The following ZNF544 variants were observed in gnomAD, a reference collection of about 807,000 sequenced individuals.
ZNF544 encodes the protein zinc finger protein 544, also known as zinc finger protein AF020591.
Under a neutral mutation model 13.5 loss-of-function variants are expected in ZNF544, and 10 were observed. The ratio of observed to expected loss-of-function variants is 0.74; its 90% CI spans 0.46 to 1.25. The LOEUF is 1.25. Among genes scored for constraint, ZNF544 ranks in the 50% most tolerant of loss-of-function variants. The pLI is 0.00. For missense variants in ZNF544, 896 were observed against 845.6 expected (o/e 1.06, Z -0.74); for synonymous variants, 323 against 300.5 (o/e 1.07, Z -0.77).
At chr19:58,234,869 T>C (rs1313982488) in intron 3 of ZNF544, among the ~76,000 whole-genome samples, 1 of 152,254 alleles carries the variant, frequency 6.6e-6, no homozygotes, top group Non-Finnish European at 1.5e-5. Context: ...TTTATTGGCA[T>C]TGGGAGATAC....
chr19:58,266,181 G>A (rs2147793260), downstream of ZNF544, among the ~76,000 whole-genome samples: 1 of 124,236 alleles, frequency 8.0e-6, no homozygotes, highest in African/African-American at 3.0e-5. Flanking sequence ...ACTCCAGCCT[G>A]GGCAAAAAAG....
chr19:58,273,469 T>A (rs1034548901), intron 5 of ZNF544, among the ~76,000 whole-genome samples: 1 of 152,020 alleles, frequency 6.6e-6, no homozygotes, highest in Non-Finnish European at 1.5e-5. Context: ...GGTGGGCGGA[T>A]CACCAGGTCA....
rs758177534 is a variant in ZNF544, at chr19:58,262,078, C to G, written c.1472C>G (p.Pro491Arg). The G allele has an allele frequency of 1.2e-6, 2 of 1,610,194 alleles. No individual in the cohort carries two copies. The highest frequency in any genetic ancestry group is 1.7e-6 in the Non-Finnish European group (2 of 1,179,236). ...AAAAGAACGCACACTGGAGAAAAAC[C>G]CTTCAAATGTACTCAGTGTGGGAAA... is the stretch of plus-strand genomic sequence containing the variant. ...THKRTHTGEKPFKCTQCGKSF... is the reference protein window; with the variant it reads ...THKRTHTGEKRFKCTQCGKSF... Residue 491 changes from proline to arginine, a missense_variant, in exon 7 of 7, where the codon CCC (proline) becomes CGC (arginine). Coordinates refer to ENST00000687789, the MANE Select transcript of ZNF544 (RefSeq NM_014480.4).
At chr19:58,257,768 T>C (rs1200485481) in intron 6 of ZNF544, 1 of 152,282 alleles carries the variant, frequency 6.6e-6, no homozygotes, top group Non-Finnish European at 1.5e-5. Context: ...GTTTTGCCTT[T>C]TTCAGAATGT....
Position 58,263,311 on chromosome 19 carries a change from A to G in ZNF544, c.*557A>G, listed in dbSNP as rs1160953625. Reference sequence around the variant, plus strand: ...TCCTGTCTTTACAAAAAATACAAAAATTAGCCTAGCATGGTGGCGCATACC... The same window carrying G: ...TCCTGTCTTTACAAAAAATACAAAAGTTAGCCTAGCATGGTGGCGCATACC... On this transcript the variant is annotated 3_prime_UTR_variant, in exon 7 of 7. Transcript: ENST00000687789. The G allele has an allele frequency of 4.6e-6, 4 of 869,134 alleles. No individual in the cohort carries two copies. Among genetic ancestry groups the G allele is most frequent in the South Asian group, 1.0e-4 (2 of 19,220 alleles). The allele number at this position is 869,134 out of a possible 1,614,324, so 53.8% of individuals were successfully genotyped here.
At chr19:58,276,130 T>C (rs527895813) in intron 5 of ZNF544, among the ~76,000 whole-genome samples, 13 of 152,098 alleles carry the variant, frequency 8.5e-5, no homozygotes, top group South Asian at 2.1e-4. Flanking sequence ...TGAGCCAAGA[T>C]TGCAGCACTG....
rs1369707202 is a variant in ZNF544 at position 58,232,476 on chromosome 19, CAGT to C, written c.-60+2017_-60+2019del. On this transcript the variant is annotated intron_variant, in intron 3 of 6. Coordinates refer to ENST00000687789, the MANE Select transcript of ZNF544 (RefSeq NM_014480.4). ...AGTGATCCTCCCACCTCAGCCTTCT[CAGT>C]AGCTGGGACTACAAGTGTACACCAC... Among the ~76,000 whole-genome samples, 45 of 150,462 alleles carry C rather than the reference CAGT, an allele frequency of 3.0e-4. No homozygotes were observed. In the East Asian group the frequency reaches 8.9e-3, roughly 30 times the overall value.
downstream of ZNF544, among the ~76,000 whole-genome samples, chr19:58,268,200 G>A (rs392687): frequency 0.55 from 83,235 of 151,762 alleles, 23,243 homozygotes; most frequent in Middle Eastern, 0.67. Flanking sequence ...TCAGGAGTCT[G>A]AGGCAGGAGA....
downstream of ZNF544, among the ~76,000 whole-genome samples, chr19:58,266,256 C>T (rs138892462): frequency 0.01 from 1,390 of 138,940 alleles, 16 homozygotes; most frequent in African/African-American, 0.035. Context: ...CGGTGGCTCA[C>T]GCCTGTGATC....
intron 5 of ZNF544, among the ~76,000 whole-genome samples, chr19:58,271,732 T>G (rs2050659995): frequency 6.6e-6 from 1 of 152,202 alleles, no homozygotes; most frequent in Non-Finnish European, 1.5e-5. Context: ...ACAAATTATT[T>G]CAAATGTGTG....
At position 58,262,843 on chromosome 19, in the gene ZNF544, G is replaced by GT; in HGVS notation, c.*90dup. The GT allele has an allele frequency of 2.6e-6, 4 of 1,514,032 alleles. No individual in the cohort carries two copies. Among genetic ancestry groups the GT allele is most frequent in the Non-Finnish European group, 3.5e-6 (4 of 1,135,132 alleles). The allele number at this position is 1,514,032 out of a possible 1,614,324, so 93.8% of individuals were successfully genotyped here. On this transcript the variant is annotated 3_prime_UTR_variant, in exon 7 of 7. Coordinates refer to ENST00000687789, the MANE Select transcript of ZNF544 (RefSeq NM_014480.4). ...CATGTCGGTGGGAAGAGCTATCAGTGTGACGTGTATTAAGCCAGCGGTTGT... is the reference window on the plus strand; with the variant it reads ...CATGTCGGTGGGAAGAGCTATCAGTGTTGACGTGTATTAAGCCAGCGGTTGT...
At chr19:58,260,009 G>A (rs1303113833) in intron 6 of ZNF544, among the ~76,000 whole-genome samples, 1 of 152,148 alleles carries the variant, frequency 6.6e-6, no homozygotes, top group African/African-American at 2.4e-5. Context: ...AGTCGGGGAG[G>A]ATCACAAGAG....
At chr19:58,252,585 C>T (rs1033301595) in intron 6 of ZNF544, among the ~76,000 whole-genome samples, 2 of 152,136 alleles carry the variant, frequency 1.3e-5, no homozygotes, top group Non-Finnish European at 2.9e-5. Context: ...TTTAGACAAC[C>T]TCTGAACTAC....
chr19:58,264,384 C>CAA (rs34082011), downstream of ZNF544, among the ~76,000 whole-genome samples: 5,836 of 91,106 alleles, frequency 0.064, 325 homozygotes, highest in African/African-American at 0.16. Context: ...AACTTCATCT[C>CAA]AAAAAAAAAA....
chr19:58,229,765 C>G (rs151074955), intron 2 of ZNF544, 195 bp downstream of exon 2: 1 of 152,322 alleles, frequency 6.6e-6, no homozygotes, highest in Non-Finnish European at 1.5e-5. Flanking sequence ...AGTTAGGGAT[C>G]GGGGTTCCAT....
downstream of ZNF544, among the ~76,000 whole-genome samples, chr19:58,264,489 C>T (rs1184399866): frequency 6.7e-6 from 1 of 149,254 alleles, no homozygotes; most frequent in African/African-American, 2.5e-5. Context: ...GACAGGCATT[C>T]AAGACCAGCC....
In ZNF544 at chr19:58,261,724, C is replaced by T; in HGVS notation, c.1118C>T (p.Thr373Ile). Reference sequence around the variant, plus strand: ...TGTTGTAAGCTCATACACCAGAGAACACACACTGGAGAAAAGCCCTTCGAA... The same window carrying T: ...TGTTGTAAGCTCATACACCAGAGAATACACACTGGAGAAAAGCCCTTCGAA... ...FSCCKLIHQR[T>I]HTGEKPFECT... The change falls in exon 7 of 7, where the codon ACA becomes ATA. Residue 373 changes from threonine (T) to isoleucine (I), a missense_variant. By Grantham distance (89) the Thr-to-Ile change is moderately conservative. Coordinates refer to ENST00000687789, the MANE Select transcript of ZNF544 (RefSeq NM_014480.4). The T allele has an allele frequency of 6.2e-7, 1 of 1,614,226 alleles. No homozygotes were observed. The highest frequency in any genetic ancestry group is 8.5e-7 in the Non-Finnish European group (1 of 1,180,040).
At chr19:58,264,095 A>G (rs2049519556), downstream of ZNF544, 1 of 77,938 alleles carries the variant, frequency 1.3e-5, no homozygotes, top group Non-Finnish European at 3.7e-5. Flanking sequence ...ACTGTCTCAA[A>G]AAAAAAAAAA....
rs57148438 is a variant in ZNF544 at position 58,275,783 on chromosome 19, C to CAA, written c.245-522_245-521dup. The stretch of plus-strand genomic sequence containing the variant: ...GTGGGCAACAGGTGAGACCCTGTCT[C>CAA]AAAAAAAAAAAAAAAAAAAGGAAAG... On this transcript the variant is annotated intron_variant, in intron 5 of 6. Coordinates refer to the ZNF544 transcript ENST00000595981. 3.1e-3 allele frequency among the ~76,000 whole-genome samples: 206 copies of CAA among 66,214 alleles called. 3 individuals are homozygous for CAA. Among genetic ancestry groups the CAA allele is most frequent in the African/African-American group, 0.011 (180 of 16,588 alleles). The allele number at this position is 66,214 out of a possible 152,430, so 43.4% of individuals were successfully genotyped here.
Sources: allele counts gnomAD v4.1 joint callset (sites outside exome capture counted in the v4.1 genomes callset), GRCh38; gene constraint gnomAD v4.1.1; transcripts MANE v1.5; gene names NCBI Gene and HGNC (gene_info 2026-07-23, HGNC 2026-07-21).